KLHDC10: variants seen among roughly 807,000 people sequenced by gnomAD.
KLHDC10 encodes the protein kelch domain containing 10.
A neutral mutation model predicts 56.1 loss-of-function variants in KLHDC10; 24 were observed. That is an observed-to-expected ratio of 0.43 (90% CI 0.31 to 0.60). The LOEUF is 0.60. KLHDC10 is among the 20% of genes least tolerant of loss of function. The pLI is 0.11. For missense variants in KLHDC10, 349 were observed against 567.0 expected (o/e 0.62, Z 3.91); for synonymous variants, 188 against 207.1 (o/e 0.91, Z 0.79).
chr7:130,080,169 T>C (rs1227838276), intron 1 of KLHDC10, among the ~76,000 whole-genome samples: 1 of 152,066 alleles, frequency 6.6e-6, no homozygotes, highest in Non-Finnish European at 1.5e-5. Flanking sequence ...TGCAAACTCC[T>C]GGCCTCCAGT....
intron 1 of KLHDC10, among the ~76,000 whole-genome samples, chr7:130,079,888 TCCTCCCTTTCTTCCTCCCTC>T (rs1795577612): frequency 1.2e-5 from 1 of 86,890 alleles, no homozygotes; most frequent in African/African-American, 4.9e-5. Context: ...CTCCCTCCCT[TCCTCCCTTTCTTCCTCCCTC>T]CCTCCCTTCC....
chr7:130,129,193 A>C (rs937287724), intron 8 of KLHDC10, among the ~76,000 whole-genome samples: 1 of 152,030 alleles, frequency 6.6e-6, no homozygotes, highest in African/African-American at 2.4e-5. Context: ...GAATTTGGTA[A>C]CTTTGACATG....
chr7:130,085,557 G>A lies in KLHDC10; in HGVS notation c.167-11364G>A, dbSNP rs144521987. Reference sequence around the variant, plus strand: ...AGGTTTTAAAATGGTAGACTCAGCCGGGTGCAGTGGCTCCTGCCTGTAATC... The same window carrying A: ...AGGTTTTAAAATGGTAGACTCAGCCAGGTGCAGTGGCTCCTGCCTGTAATC... On this transcript the variant is annotated intron_variant, in intron 1 of 9. Coordinates refer to ENST00000335420, the MANE Select transcript of KLHDC10 (RefSeq NM_014997.4). 6.2e-3 allele frequency among the ~76,000 whole-genome samples: 944 copies of A among 151,224 alleles called. 4 individuals are homozygous for A. Among genetic ancestry groups the A allele is most frequent in the Middle Eastern group, 0.024 (7 of 290 alleles).
intron 2 of KLHDC10, among the ~76,000 whole-genome samples, chr7:130,103,208 G>A (rs901904672): frequency 6.6e-6 from 1 of 152,040 alleles, no homozygotes; most frequent in African/African-American, 2.4e-5. Flanking sequence ...GGTGAACCAC[G>A]AGGCCAGGAT....
intron 1 of KLHDC10, among the ~76,000 whole-genome samples, chr7:130,082,191 G>C (rs1795618274): frequency 6.6e-6 from 1 of 152,148 alleles, no homozygotes; most frequent in South Asian, 2.1e-4. Context: ...GCACATGCCT[G>C]TAATCCCAGC....
At chr7:130,100,566 A>C (rs1795915754) in intron 2 of KLHDC10, among the ~76,000 whole-genome samples, 1 of 152,230 alleles carries the variant, frequency 6.6e-6, no homozygotes, top group South Asian at 2.1e-4. Flanking sequence ...TATGTTCTCA[A>C]CTTCTCTCTG....
Position 130,129,586 on chromosome 7 carries a change from T to A in KLHDC10, c.1119+10T>A. The A allele has an allele frequency of 1.9e-6, 3 of 1,609,996 alleles. No individual in the cohort carries two copies. Among genetic ancestry groups the A allele is most frequent in the Non-Finnish European group, 2.5e-6 (3 of 1,178,670 alleles). On this transcript the variant is annotated intron_variant, in intron 9 of 9. Transcript: ENST00000335420. The stretch of plus-strand genomic sequence containing the variant: ...TGCAGCTGTTACACCAGTAAGTTTT[T>A]ATTTTCATATCTTCCTTATGTAGTT...
chr7:130,089,443 C>T (rs923155757), intron 1 of KLHDC10, among the ~76,000 whole-genome samples: 8 of 151,268 alleles, frequency 5.3e-5, no homozygotes, highest in African/African-American at 9.7e-5. Flanking sequence ...TCCCATGCCC[C>T]GCCAAAAAAA....
At chr7:130,083,512 T>G (rs1795638184) in intron 1 of KLHDC10, among the ~76,000 whole-genome samples, 1 of 152,202 alleles carries the variant, frequency 6.6e-6, no homozygotes, top group Non-Finnish European at 1.5e-5. Context: ...TGCTACACTG[T>G]TTTTTGATTC....
chr7:130,081,869 C>A (rs907194248), intron 1 of KLHDC10, among the ~76,000 whole-genome samples: 4 of 151,990 alleles, frequency 2.6e-5, no homozygotes. Flanking sequence ...CTTTTCTGTT[C>A]TCTGTTTATA....
intron 2 of KLHDC10, among the ~76,000 whole-genome samples, chr7:130,097,288 A>G (rs17164418): frequency 0.14 from 20,569 of 152,176 alleles, 1,591 homozygotes; most frequent in East Asian, 0.31. Context: ...TAGCCATATT[A>G]GAAAGAATTT....
At chr7:130,112,473 G>A (rs574948630) in intron 2 of KLHDC10, among the ~76,000 whole-genome samples, 5 of 152,154 alleles carry the variant, frequency 3.3e-5, no homozygotes, top group Non-Finnish European at 7.3e-5. Flanking sequence ...TCAGGTAAAC[G>A]AATTCTATGG....
Position 130,120,003 on chromosome 7 carries a change from C to T in KLHDC10, c.476-746C>T, listed in dbSNP as rs1344141112. Among the ~76,000 whole-genome samples, 2 of 152,112 alleles carry T rather than the reference C, an allele frequency of 1.3e-5. No homozygotes were observed. The highest frequency in any genetic ancestry group is 2.9e-5 in the Non-Finnish European group (2 of 68,012). On this transcript the variant is annotated intron_variant, in intron 3 of 9. Transcript: ENST00000335420. The surrounding 1 kb of genome is among the most constrained non-coding windows in gnomAD (Gnocchi z 5.1). ...AACAAAAGAGCTACAGGAGGAAGAA[C>T]ACCAAAGTTACCTGCAGGATATTGG...
chr7:130,076,825 C>T (rs1204756776), intron 1 of KLHDC10, among the ~76,000 whole-genome samples: 2 of 152,114 alleles, frequency 1.3e-5, no homozygotes, highest in African/African-American at 2.4e-5. Flanking sequence ...CCTATTTATA[C>T]CTAATGACTC....
At position 130,116,450 on chromosome 7, in the gene KLHDC10, A is replaced by G. The variant is rs1419684123; in HGVS notation, c.259A>G (p.Arg87Gly). The change falls in exon 3 of 10, where the codon AGA (arginine) becomes GGA (glycine). Residue 87 changes from arginine (R) to glycine (G), a missense_variant. Arg to Gly is a moderately radical substitution (Grantham distance 125). This residue lies in a region of KLHDC10 where 245 missense variants were observed against 470.1 expected (regional missense o/e 0.52). Transcript: ENST00000335420. This position sits in a 1 kb window ranked among gnomAD's most constrained non-coding sequence, Gnocchi z 4.8. ...ACTGTCCTCTTCTCTCCTAGGCCAC[A>G]GACCTCCACCAGCACGAAGTGGACA... is the stretch of plus-strand genomic sequence containing the variant. ...RIPNRFLRGH[R>G]PPPARSGHRC... The G allele has an allele frequency of 5.0e-6, 8 of 1,612,948 alleles. No individual in the cohort carries two copies. In the South Asian group the frequency reaches 8.8e-5, roughly 18 times the overall value.
chr7:130,074,443 C>T (rs1795468474), intron 1 of KLHDC10, among the ~76,000 whole-genome samples: 1 of 152,012 alleles, frequency 6.6e-6, no homozygotes, highest in Non-Finnish European at 1.5e-5. Context: ...TGTGCGTATA[C>T]ATATACACAC....
intron 1 of KLHDC10, among the ~76,000 whole-genome samples, chr7:130,074,814 T>C (rs973185381): frequency 2.0e-5 from 3 of 152,082 alleles, no homozygotes; most frequent in Non-Finnish European, 4.4e-5. Context: ...TTTCATCATG[T>C]TGGCCAGGCT....
intron 5 of KLHDC10, among the ~76,000 whole-genome samples, chr7:130,122,843 G>A (rs1375779719): frequency 6.6e-6 from 1 of 152,190 alleles, no homozygotes; most frequent in Non-Finnish European, 1.5e-5. Flanking sequence ...CCACCAAGCT[G>A]AGCCTGATTT....
intron 2 of KLHDC10, among the ~76,000 whole-genome samples, chr7:130,108,263 C>G (rs1308511322): frequency 6.6e-6 from 1 of 151,322 alleles, no homozygotes; most frequent in South Asian, 2.1e-4. Flanking sequence ...TCATGGACAT[C>G]AAAAAAGACA....
Sources: gnomAD v4.1 joint callset for allele counts (sites outside exome capture counted in the v4.1 genomes callset) on GRCh38, gnomAD v4.1.1 for gene constraint, gnomAD v4.1.1 regional missense constraint, Gnocchi (gnomAD v3.1) non-coding constraint, MANE v1.5 for transcripts, NCBI Gene and HGNC (gene_info 2026-07-23, HGNC 2026-07-21) for gene names.